The following SOCS2 variants were observed in gnomAD, a reference collection of about 807,000 sequenced individuals.
SOCS2 encodes the protein CIS-2.
In SOCS2, 10 loss-of-function variants were observed where a neutral mutation model predicts 18.6. The observed-to-expected ratio is 0.54, with a 90% CI of 0.33 to 0.91. SOCS2 has a LOEUF of 0.91. SOCS2 is among the 40% of genes least tolerant of loss of function. SOCS2 has a pLI of 0.02. For missense variants in SOCS2, 231 were observed against 247.2 expected (o/e 0.93, Z 0.44); for synonymous variants, 104 against 104.0 (o/e 1.00, Z 0.00).
In SOCS2 at chr12:93,576,250, T is replaced by C. The variant is rs2072593; in HGVS notation, c.*1071T>C. The C allele has an allele frequency of 0.19, 29,471 of 152,614 alleles. 3,463 individuals are homozygous for C. Among genetic ancestry groups the C allele is most frequent in the East Asian group, 0.42 (2,173 of 5,182 alleles). The allele number at this position is 152,614 out of a possible 1,614,324, so 9.5% of individuals were successfully genotyped here. ...TAGAGAACGTACACTTTCATGGTAA[T>C]AGAGGATTGCCATAAAAACTTACGT... On this transcript the variant is annotated 3_prime_UTR_variant, in exon 2 of 2. Coordinates refer to ENST00000551556, the MANE Select transcript of SOCS2 (RefSeq NM_001270471.2).
chr12:93,615,467 A>G, the SOCS2 span, among the ~76,000 whole-genome samples: 24 of 152,156 alleles, frequency 1.6e-4, 1 homozygote, highest in African/African-American at 5.8e-4. Flanking sequence ...GTCCCTCCCA[A>G]TTGGCTTGTA....
At chr12:93,622,383 G>A in the SOCS2 span, among the ~76,000 whole-genome samples, 339 of 152,206 alleles carry the variant, frequency 2.2e-3, 2 homozygotes, top group East Asian at 7.3e-3. Flanking sequence ...AAGTGTTGTC[G>A]GAGACTCTTG....
At chr12:93,599,893 A>T in the SOCS2 span, among the ~76,000 whole-genome samples, 90 of 152,370 alleles carry the variant, frequency 5.9e-4, 1 homozygote, top group Middle Eastern at 6.8e-3. Context: ...GAGAAATAAA[A>T]TTCTTCATAT....
At chr12:93,571,876 G>T, upstream of SOCS2, 1 of 427,486 alleles carries the variant, frequency 2.3e-6, no homozygotes, top group South Asian at 1.6e-5. Flanking sequence ...GAGGCTGCCT[G>T]GTGCGGAGGC....
downstream of SOCS2, among the ~76,000 whole-genome samples, chr12:93,578,817 A>C (rs1954500155): frequency 6.6e-6 from 1 of 152,032 alleles, no homozygotes; most frequent in Non-Finnish European, 1.5e-5. Flanking sequence ...CCTTTGATAA[A>C]ATTGCCGAGA....
chr12:93,614,599 CT>C, the SOCS2 span, among the ~76,000 whole-genome samples: 3 of 108,398 alleles, frequency 2.8e-5, no homozygotes, highest in African/African-American at 1.2e-4. Flanking sequence ...TTCTTTCTTT[CT>C]TTCTTTCTTT....
At chr12:93,570,143 C>G (rs1023020802), upstream of SOCS2, 1 of 152,384 alleles carries the variant, frequency 6.6e-6, no homozygotes, top group East Asian at 1.9e-4. Context: ...ATGGCAGAGA[C>G]ACTCTCCGGA....
downstream of SOCS2, among the ~76,000 whole-genome samples, chr12:93,577,624 C>A (rs1306393313): frequency 6.6e-6 from 1 of 151,368 alleles, no homozygotes. Context: ...TGAAAAAGAA[C>A]CCTTGGTGTT....
chr12:93,616,538 C>T, the SOCS2 span, among the ~76,000 whole-genome samples: 1 of 152,204 alleles, frequency 6.6e-6, no homozygotes, highest in African/African-American at 2.4e-5. Context: ...GACCTAGAAG[C>T]AGGCTTCTTA....
chr12:93,575,021 A>G lies in SOCS2; in HGVS notation c.439A>G (p.Thr147Ala). The G allele has an allele frequency of 6.2e-7, 1 of 1,613,764 alleles. No individual in the cohort carries two copies. The highest frequency in any genetic ancestry group is 8.5e-7 in the Non-Finnish European group (1 of 1,179,900). The change falls in exon 2 of 2, where the codon ACT (threonine) becomes GCT (alanine). Residue 147 changes from threonine to alanine, a missense_variant. By Grantham distance (58) the Thr-to-Ala change is moderately conservative. Coordinates refer to ENST00000551556, the MANE Select transcript of SOCS2 (RefSeq NM_001270471.2). Reference sequence around the variant, plus strand: ...AGGTCCAGAAGCCCCCCGGAACGGCACTGTTCACCTTTATCTGACCAAACC... The same window carrying G: ...AGGTCCAGAAGCCCCCCGGAACGGCGCTGTTCACCTTTATCTGACCAAACC... ...RTGPEAPRNG[T>A]VHLYLTKPLY...
chr12:93,589,984 T>C, the SOCS2 span, among the ~76,000 whole-genome samples: 3 of 152,336 alleles, frequency 2.0e-5, no homozygotes, highest in African/African-American at 7.2e-5. Flanking sequence ...CCGGGTGTGG[T>C]GGCTCACGCC....
At chr12:93,597,740 A>T in the SOCS2 span, among the ~76,000 whole-genome samples, 4 of 152,202 alleles carry the variant, frequency 2.6e-5, no homozygotes, top group Non-Finnish European at 5.9e-5. Flanking sequence ...AGATTTAATA[A>T]ATATTGTTGT....
chr12:93,613,959 T>C, the SOCS2 span, among the ~76,000 whole-genome samples: 1 of 152,202 alleles, frequency 6.6e-6, no homozygotes, highest in Non-Finnish European at 1.5e-5. Context: ...AAGCCAAGTA[T>C]AAAAGGTTTT....
At chr12:93,598,524 G>A in the SOCS2 span, among the ~76,000 whole-genome samples, 8 of 152,184 alleles carry the variant, frequency 5.3e-5, no homozygotes, top group Non-Finnish European at 7.3e-5. Flanking sequence ...ATTTTCCAGG[G>A]AAGAACTCAA....
At chr12:93,623,711 A>ATT in the SOCS2 span, among the ~76,000 whole-genome samples, 2 of 146,876 alleles carry the variant, frequency 1.4e-5, no homozygotes, top group African/African-American at 2.5e-5. Context: ...TTAATCATGA[A>ATT]TTTTTTTTTT....
the SOCS2 span, among the ~76,000 whole-genome samples, chr12:93,615,301 T>C: frequency 9.2e-5 from 14 of 152,204 alleles, no homozygotes; most frequent in Non-Finnish European, 1.9e-4. Flanking sequence ...AAGAATTACA[T>C]CATAATTGTT....
Position 93,574,943 on chromosome 12 carries a change from A to G in SOCS2, c.361A>G (p.Ser121Gly), listed in dbSNP as rs746708768. Residue 121 changes from serine (S) to glycine (G), a missense_variant, in exon 2 of 2, where the codon AGT becomes GGT. Transcript: ENST00000551556. The part of the protein sequence containing the change: ...CVKSKLKQFD[S>G]VVHLIDYYVQ... ...CAAATCCAAGCTTAAACAATTTGAC[A>G]GTGTGGTTCATCTGATCGACTACTA... 1.9e-6 allele frequency: 3 copies of G among 1,614,208 alleles called. No individual in the cohort carries two copies. Among genetic ancestry groups the G allele is most frequent in the South Asian group, 2.2e-5 (2 of 91,086 alleles).
chr12:93,611,945 G>C, the SOCS2 span, among the ~76,000 whole-genome samples: 2 of 151,954 alleles, frequency 1.3e-5, no homozygotes, highest in Admixed American at 1.3e-4. Context: ...TCTGCTCAGA[G>C]AACTGCTTTT....
downstream of SOCS2, among the ~76,000 whole-genome samples, chr12:93,578,476 T>A (rs866028376): frequency 5.3e-5 from 8 of 152,186 alleles, no homozygotes; most frequent in Non-Finnish European, 1.2e-4. Flanking sequence ...GGCTGAAGTC[T>A]CCGTCTTTAA....
Sources: gnomAD v4.1 joint callset for allele counts (sites outside exome capture counted in the v4.1 genomes callset) on GRCh38, gnomAD v4.1.1 for gene constraint, MANE v1.5 for transcripts, NCBI Gene and HGNC (gene_info 2026-07-23, HGNC 2026-07-21) for gene names.